SEC16B: variants seen among roughly 807,000 people sequenced by gnomAD.
SEC16B encodes SEC16 homolog B, endoplasmic reticulum export factor, also known as protein transport protein Sec16B.
A neutral mutation model predicts 141.8 loss-of-function variants in SEC16B; 115 were observed. That is an observed-to-expected ratio of 0.81 (90% CI 0.70 to 0.95). The LOEUF (loss-of-function observed/expected upper bound fraction) is 0.95, where lower values mean the gene tolerates loss of function less well. Among genes scored for constraint, SEC16B ranks in the 40% least tolerant of loss-of-function variants. SEC16B has a pLI of 0.00. For missense variants in SEC16B, 1,291 were observed against 1,312.3 expected (o/e 0.98, Z 0.25); for synonymous variants, 493 against 492.5 (o/e 1.00, Z -0.01).
chr1:177,960,698 C>T (rs1412400584), intron 7 of SEC16B, 93 bp downstream of exon 7: 2 of 1,373,462 alleles, frequency 1.5e-6, no homozygotes, highest in South Asian at 1.5e-5. Flanking sequence ...CCTGGAGATG[C>T]CCCGGCTCAG....
At chr1:177,975,101 G>A (rs753919703), upstream of SEC16B, among the ~76,000 whole-genome samples, 12 of 152,142 alleles carry the variant, frequency 7.9e-5, no homozygotes, top group South Asian at 2.1e-4. Context: ...ACATTATGAC[G>A]GTTTGGAATG....
Position 177,967,986 on chromosome 1 carries a change from G to C in SEC16B, c.-5C>G. 6.3e-7 allele frequency: 1 copy of C among 1,593,140 alleles called. No homozygotes were observed. Among genetic ancestry groups the C allele is most frequent in the Non-Finnish European group, 8.6e-7 (1 of 1,165,270 alleles). ...CTGGGGAGCCCAAAGTTCCATCCTTGACTCTCTGAATTTGTCCTGGGTTTT... is the reference window on the plus strand; with the variant it reads ...CTGGGGAGCCCAAAGTTCCATCCTTCACTCTCTGAATTTGTCCTGGGTTTT... On this transcript the variant is annotated 5_prime_UTR_variant, in exon 2 of 26. Coordinates refer to ENST00000308284, the MANE Select transcript of SEC16B (RefSeq NM_033127.4).
In SEC16B at chr1:177,928,836, A is replaced by G. The variant is rs1387779760; in HGVS notation, c.*1022T>C. On this transcript the variant is annotated 3_prime_UTR_variant, in exon 26 of 26. Transcript: ENST00000308284. ...TAATTATTATCAATATCAGAACTAT[A>G]GAACATTAACGTACTAAACCTGTAT... 6.6e-6 allele frequency: 1 copy of G among 152,224 alleles called. No individual in the cohort carries two copies. The highest frequency in any genetic ancestry group is 1.5e-5 in the Non-Finnish European group (1 of 68,036). The allele number at this position is 152,224 out of a possible 1,614,324, so 9.4% of individuals were successfully genotyped here.
intron 10 of SEC16B, among the ~76,000 whole-genome samples, chr1:177,957,913 A>T (rs1422748346): frequency 6.6e-6 from 1 of 151,546 alleles, no homozygotes; most frequent in African/African-American, 2.4e-5. Context: ...AGAACATGTG[A>T]TGTTTGTTTT....
chr1:177,933,083 C>T, intron 22 of SEC16B, 131 bp downstream of exon 22: 1 of 731,658 alleles, frequency 1.4e-6, no homozygotes, highest in Non-Finnish European at 2.3e-6. Context: ...CACCATATCC[C>T]ATCACAAAAC....
Position 177,940,624 on chromosome 1 carries a change from G to A in SEC16B, c.2113C>T (p.Arg705Trp), listed in dbSNP as rs768428875. ...DLEPDWLAQL[R>W]RQLEQKVAGD... ...ATCCCACTCACCTCCAGCTGCCTCC[G>A]AAGTTGCGCTAGCCAATCTGGCTCC... The change falls in exon 17 of 26, where the codon CGG becomes TGG. Residue 705 changes from arginine to tryptophan, a missense_variant. Coordinates refer to ENST00000308284, the MANE Select transcript of SEC16B (RefSeq NM_033127.4). 136 of 1,613,388 alleles carry A rather than the reference G, an allele frequency of 8.4e-5. No individual in the cohort carries two copies. The highest frequency in any genetic ancestry group is 1.6e-4 in the East Asian group (7 of 44,878).
At position 177,963,429 on chromosome 1, in the gene SEC16B, C is replaced by G. The variant is rs536590214; in HGVS notation, c.642+742G>C. 5.9e-5 allele frequency among the ~76,000 whole-genome samples: 9 copies of G among 152,010 alleles called. No homozygotes were observed. The South Asian group carries it at 1.9e-3, about 32-fold the overall frequency. On this transcript the variant is annotated intron_variant, in intron 5 of 25. Transcript: ENST00000308284. Reference sequence around the variant, plus strand: ...ACCAGCCTGGCCAACATGGTGAAACCCGGTCTCTACTAAAAATACAAAAAT... The same window carrying G: ...ACCAGCCTGGCCAACATGGTGAAACGCGGTCTCTACTAAAAATACAAAAAT...
chr1:177,983,131 G>A (rs1451836879), intron 1 of SEC16B, among the ~76,000 whole-genome samples: 2 of 152,186 alleles, frequency 1.3e-5, no homozygotes, highest in African/African-American at 4.8e-5. Flanking sequence ...TGCTGTGTGA[G>A]AAGCTGTTCA....
At chr1:177,963,139 CTT>C (rs747498414) in intron 5 of SEC16B, among the ~76,000 whole-genome samples, 3 of 151,550 alleles carry the variant, frequency 2.0e-5, no homozygotes, top group Non-Finnish European at 2.9e-5. Context: ...AAGTAAAGCT[CTT>C]TGTACAGTGT....
intron 12 of SEC16B, among the ~76,000 whole-genome samples, chr1:177,949,877 T>C (rs1175943143): frequency 2.0e-5 from 3 of 151,984 alleles, no homozygotes; most frequent in Non-Finnish European, 4.4e-5. Context: ...AAATACTGCA[T>C]TGGCACATCA....
Position 177,940,704 on chromosome 1 carries a change from T to C in SEC16B, c.2033A>G (p.Lys678Arg). ...AACCAGAGGATCTGACAGCTTCAGT[T>C]TCTCTGCTAGCTGTGCCAGGTTTCC... ...LLVELIKLAE[K>R]LKLSDPLVLE... The change falls in exon 17 of 26, where the codon AAA becomes AGA. Residue 678 changes from lysine to arginine, a missense_variant. Physicochemically the swap from Lys to Arg is conservative, Grantham distance 26. Coordinates refer to ENST00000308284, the MANE Select transcript of SEC16B (RefSeq NM_033127.4). The C allele has an allele frequency of 1.2e-6, 2 of 1,613,338 alleles. No homozygotes were observed. The highest frequency in any genetic ancestry group is 8.5e-7 in the Non-Finnish European group (1 of 1,179,532).
rs370168594 is a variant in SEC16B at position 177,952,805 on chromosome 1, G to A, written c.1464-810C>T. Among the ~76,000 whole-genome samples the A allele has an allele frequency of 3.9e-5, 6 of 152,096 alleles. No homozygotes were observed. In the East Asian group the frequency reaches 5.8e-4, roughly 15 times the overall value. On this transcript the variant is annotated intron_variant, in intron 11 of 25. Transcript: ENST00000308284. ...ACAGCACCCTTGCCACAGGAGCTCC[G>A]AGCACGTATCACAATACAATTTCTG...
At chr1:177,958,103 A>C (rs756469804) in intron 10 of SEC16B, 29 bp downstream of exon 10, 1 of 1,425,720 alleles carries the variant, frequency 7.0e-7, no homozygotes, top group Non-Finnish European at 9.3e-7. Flanking sequence ...TGCTTTTTCA[A>C]AATAAGTATG....
intron 1 of SEC16B, among the ~76,000 whole-genome samples, 173 bp from the exon 2 acceptor site, chr1:177,968,212 T>C (rs530138287): frequency 2.0e-5 from 3 of 152,056 alleles, no homozygotes; most frequent in African/African-American, 7.2e-5. Flanking sequence ...ATGAAGCAAA[T>C]AACAGACTAG....
intron 11 of SEC16B, among the ~76,000 whole-genome samples, 179 bp downstream of exon 11, chr1:177,954,100 G>T (rs1652411074): frequency 1.3e-5 from 2 of 152,220 alleles, no homozygotes; most frequent in South Asian, 4.1e-4. Context: ...CAGGTAGAAA[G>T]AATGTATCTG....
chr1:177,935,662 G>GA (rs60983376), intron 20 of SEC16B, among the ~76,000 whole-genome samples: 284 of 141,102 alleles, frequency 2.0e-3, no homozygotes, highest in East Asian at 6.2e-3. Flanking sequence ...CTTCAGTCAG[G>GA]AAAAAAAAAA....
intron 12 of SEC16B, among the ~76,000 whole-genome samples, chr1:177,950,005 G>A (rs1652045185): frequency 2.0e-5 from 3 of 151,892 alleles, no homozygotes; most frequent in Admixed American, 2.0e-4. Flanking sequence ...AGTACTTTGT[G>A]ACATAATGCA....
chr1:177,981,631 TAAAC>T (rs1654420942), intron 1 of SEC16B, among the ~76,000 whole-genome samples: 1 of 152,148 alleles, frequency 6.6e-6, no homozygotes, highest in Non-Finnish European at 1.5e-5. Flanking sequence ...ACAAATAAAA[TAAAC>T]CAATCACTTT....
At chr1:177,968,837 A>G (rs535248336) in intron 1 of SEC16B, among the ~76,000 whole-genome samples, 1 of 152,292 alleles carries the variant, frequency 6.6e-6, no homozygotes, top group East Asian at 1.9e-4. Flanking sequence ...TCATAAGAAA[A>G]TAGAAGGCCA....
Sources: allele counts gnomAD v4.1 joint callset (sites outside exome capture counted in the v4.1 genomes callset), GRCh38; gene constraint gnomAD v4.1.1; transcripts MANE v1.5; gene names NCBI Gene and HGNC (gene_info 2026-07-23, HGNC 2026-07-21).